Variants in HHIP observed in about 807,000 individuals in gnomAD.
HHIP encodes the protein hedgehog-interacting protein.
Under a neutral mutation model 74.0 loss-of-function variants are expected in HHIP, and 12 were observed. The ratio of observed to expected loss-of-function variants is 0.16; its 90% confidence interval spans 0.10 to 0.26. The LOEUF is 0.26. Among genes scored for constraint, HHIP ranks in the 10% least tolerant of loss-of-function variants. HHIP has a pLI of 1.00. For synonymous variants in HHIP, 309 were observed against 311.6 expected, an observed-to-expected ratio of 0.99 and a Z score of 0.09; for missense variants, 788 against 845.0, an observed-to-expected ratio of 0.93 and a Z score of 0.84.
chr4:144,657,338 T>A (rs1282898981), intron 2 of HHIP, among the ~76,000 whole-genome samples: 4 of 152,198 alleles, frequency 2.6e-5, no homozygotes, highest in Admixed American at 1.3e-4. Flanking sequence ...CCTTGCTAAA[T>A]CTGAATTTGT....
In HHIP at chr4:144,734,846, G is replaced by A. The variant is rs756430063; in HGVS notation, c.1866G>A (p.Lys622=). The A allele has an allele frequency of 1.9e-6, 3 of 1,613,064 alleles. No individual in the cohort carries two copies. ...CRNGYCTPTG[K]CCCSPGWEGD... ...ACGGCTACTGCACCCCCACGGGAAA[G>A]TGCTGCTGCAGTCCAGGCTGGGAGG... Residue 622 remains lysine, a synonymous_variant, in exon 12 of 13, where the codon AAG becomes AAA. Transcript: ENST00000296575.
intron 10 of HHIP, among the ~76,000 whole-genome samples, chr4:144,716,494 C>T (rs1326687294): frequency 2.0e-5 from 3 of 152,198 alleles, no homozygotes; most frequent in Non-Finnish European, 4.4e-5. Flanking sequence ...AAGATACTTC[C>T]CCTAACTTAC....
At chr4:144,716,635 A>G (rs1324554697) in intron 10 of HHIP, among the ~76,000 whole-genome samples, 1 of 151,944 alleles carries the variant, frequency 6.6e-6, no homozygotes, top group Non-Finnish European at 1.5e-5. Flanking sequence ...ATCGTCTGAC[A>G]TTGGGAATTC....
At chr4:144,689,127 G>T (rs1248145301) in intron 4 of HHIP, among the ~76,000 whole-genome samples, 1 of 152,158 alleles carries the variant, frequency 6.6e-6, no homozygotes. Flanking sequence ...GCACACATGT[G>T]ATTTACAAGA....
intron 4 of HHIP, chr4:144,685,512 A>G (rs1433547951): frequency 1.3e-5 from 2 of 152,258 alleles, no homozygotes; most frequent in Non-Finnish European, 2.9e-5. Flanking sequence ...AAAATTGTGG[A>G]ATTTCAGTTA....
chr4:144,667,173 A>G (rs1290766025), intron 4 of HHIP, among the ~76,000 whole-genome samples: 3 of 151,914 alleles, frequency 2.0e-5, no homozygotes, highest in Non-Finnish European at 4.4e-5. Flanking sequence ...ACATAGCGAC[A>G]CCCCATCTTC....
intron 9 of HHIP, 86 bp downstream of exon 9, chr4:144,714,434 G>T: frequency 7.4e-7 from 1 of 1,358,256 alleles, no homozygotes; most frequent in Non-Finnish European, 1.0e-6. Flanking sequence ...ATATTCAAAT[G>T]ATTGTCTCTT....
chr4:144,690,373 C>T (rs1262319366), intron 4 of HHIP, among the ~76,000 whole-genome samples: 2 of 152,064 alleles, frequency 1.3e-5, no homozygotes, highest in Non-Finnish European at 1.5e-5. Context: ...GTATGGTGTC[C>T]TAGCAATACC....
In HHIP at chr4:144,742,886, CTT is replaced by C. The variant is rs1560728946; in HGVS notation, c.*4930_*4931del. The C allele has an allele frequency of 2.1e-4, 2 of 9,652 alleles. No homozygotes were observed. The highest frequency in any genetic ancestry group is 8.2e-4 in the Non-Finnish European group (2 of 2,436). The allele number at this position is 9,652 out of a possible 1,614,324, so 0.6% of individuals were successfully genotyped here. A position where few individuals can be genotyped will look rare whatever the true frequency, so the allele number is the denominator to read the frequency against. ...TATATATATATCTTTTTATATATAT[CTT>C]ATATATATATCTTTTTATATATATC... is the stretch of plus-strand genomic sequence containing the variant. On this transcript the variant is annotated 3_prime_UTR_variant, in exon 13 of 13. Transcript: ENST00000296575.
At chr4:144,668,304 A>T (rs1313198017) in intron 4 of HHIP, among the ~76,000 whole-genome samples, 3 of 151,456 alleles carry the variant, frequency 2.0e-5, no homozygotes, top group Non-Finnish European at 4.4e-5. Context: ...CCCGGGTGAC[A>T]GTCAGATTCC....
chr4:144,654,733 T>C (rs1486398274), intron 2 of HHIP: 1 of 152,236 alleles, frequency 6.6e-6, no homozygotes, highest in Non-Finnish European at 1.5e-5. Context: ...TTTTGGAAAT[T>C]ACTATAAAAG....
chr4:144,659,025 T>A (rs752793409), intron 3 of HHIP, 79 bp downstream of exon 3: 87 of 1,176,394 alleles, frequency 7.4e-5, no homozygotes, highest in Non-Finnish European at 9.2e-5. Flanking sequence ...GTGAATCAAC[T>A]GTCTGTGCTT....
chr4:144,673,330 G>A (rs1462620768), intron 4 of HHIP, among the ~76,000 whole-genome samples: 1 of 152,086 alleles, frequency 6.6e-6, no homozygotes, highest in Non-Finnish European at 1.5e-5. Context: ...TAGTTTCAAA[G>A]TGCAAATTTT....
chr4:144,673,664 T>G (rs1389127545), intron 4 of HHIP, among the ~76,000 whole-genome samples: 1 of 152,158 alleles, frequency 6.6e-6, no homozygotes, highest in Non-Finnish European at 1.5e-5. Flanking sequence ...AAAATGATAA[T>G]GGAATATAAA....
At chr4:144,652,576 A>G (rs368637269) in intron 1 of HHIP, 29 bp from the exon 2 acceptor site, 1 of 1,458,644 alleles carries the variant, frequency 6.9e-7, no homozygotes, top group Non-Finnish European at 9.4e-7. Context: ...CCTACTAAAA[A>G]AAGTTTGCTT....
chr4:144,656,613 A>T (rs1341671013), intron 2 of HHIP, among the ~76,000 whole-genome samples: 1 of 152,076 alleles, frequency 6.6e-6, no homozygotes, highest in Admixed American at 6.6e-5. Flanking sequence ...TTTTTCTGTA[A>T]CCCTTCTGGC....
intron 4 of HHIP, among the ~76,000 whole-genome samples, chr4:144,692,949 C>T (rs536753897): frequency 1.3e-5 from 2 of 152,050 alleles, no homozygotes; most frequent in Non-Finnish European, 2.9e-5. Flanking sequence ...CTCTTAAACA[C>T]CATGCTATGA....
At chr4:144,716,792 T>C (rs1267271327) in intron 10 of HHIP, among the ~76,000 whole-genome samples, 2 of 127,380 alleles carry the variant, frequency 1.6e-5, no homozygotes, top group East Asian at 4.8e-4. Context: ...GAGGTTGCAG[T>C]GAGCCAAGAT....
At chr4:144,677,910 G>A (rs1729215299) in intron 4 of HHIP, among the ~76,000 whole-genome samples, 1 of 152,072 alleles carries the variant, frequency 6.6e-6, no homozygotes, top group African/African-American at 2.4e-5. Flanking sequence ...AAGACGTGTA[G>A]ACCCAGAGAG....
Sources: allele counts gnomAD v4.1 joint callset (sites outside exome capture counted in the v4.1 genomes callset), GRCh38; gene constraint gnomAD v4.1.1; transcripts MANE v1.5; gene names NCBI Gene and HGNC (gene_info 2026-07-23, HGNC 2026-07-21).